Variants in PLCH1 observed in about 807,000 individuals in gnomAD.
The protein encoded by PLCH1 is 1-phosphatidylinositol 4,5-bisphosphate phosphodiesterase eta-1.
Under a neutral mutation model 126.7 loss-of-function variants are expected in PLCH1, and 60 were observed. The ratio of observed to expected loss-of-function variants is 0.47; its 90% CI spans 0.38 to 0.59. The LOEUF (loss-of-function observed/expected upper bound fraction) is 0.59, where lower values mean the gene tolerates loss of function less well. Among genes scored for constraint, PLCH1 ranks in the 20% least tolerant of loss-of-function variants. The probability of loss-of-function intolerance (pLI) is 0.00; values close to 1 mark genes in which losing one functional copy is unlikely to be tolerated. For synonymous variants in PLCH1, 719 were observed against 734.9 expected, an observed-to-expected ratio of 0.98 and a Z score of 0.35; for missense variants, 1,723 against 2,040.0, an observed-to-expected ratio of 0.84 and a Z score of 2.99.
intron 21 of PLCH1, 138 bp downstream of exon 21, chr3:155,487,890 T>G: frequency 1.6e-6 from 1 of 608,454 alleles, no homozygotes; most frequent in South Asian, 1.9e-5. Context: ...AATAGCAGAC[T>G]GGGCTTGCTG....
At chr3:155,678,262 T>C (rs1389178650) in intron 2 of PLCH1, among the ~76,000 whole-genome samples, 2 of 152,224 alleles carry the variant, frequency 1.3e-5, no homozygotes, top group African/African-American at 4.8e-5. Flanking sequence ...ACATGCAGGA[T>C]TGGATATGGA....
intron 2 of PLCH1, among the ~76,000 whole-genome samples, chr3:155,647,102 C>A (rs954895799): frequency 6.6e-6 from 1 of 152,032 alleles, no homozygotes; most frequent in Non-Finnish European, 1.5e-5. Context: ...TTTTTGATTT[C>A]CAACTCTCTT....
intron 1 of PLCH1, among the ~76,000 whole-genome samples, chr3:155,730,651 A>G (rs545434173): frequency 6.6e-6 from 1 of 152,364 alleles, no homozygotes; most frequent in East Asian, 1.9e-4. Flanking sequence ...CAGCCATTAA[A>G]TAAGTAAACA....
chr3:155,617,834 G>T (rs1589237), intron 2 of PLCH1, among the ~76,000 whole-genome samples: 73,821 of 151,914 alleles, frequency 0.49, 20,323 homozygotes, highest in African/African-American at 0.74. Context: ...CTGTACAGGA[G>T]TCCTAACCTG....
intron 10 of PLCH1, among the ~76,000 whole-genome samples, chr3:155,534,434 C>T (rs1485802358): frequency 1.3e-5 from 2 of 152,128 alleles, no homozygotes; most frequent in South Asian, 2.1e-4. Context: ...AATGCCTGTA[C>T]CCCCATTGGA....
intron 2 of PLCH1, among the ~76,000 whole-genome samples, chr3:155,661,642 T>G (rs1334163685): frequency 6.6e-6 from 1 of 152,130 alleles, no homozygotes; most frequent in Non-Finnish European, 1.5e-5. Context: ...GACCTCTGAA[T>G]AAAGAAGGGG....
At chr3:155,526,324 T>C (rs951909884) in intron 10 of PLCH1, among the ~76,000 whole-genome samples, 4 of 152,072 alleles carry the variant, frequency 2.6e-5, no homozygotes, top group African/African-American at 7.2e-5. Flanking sequence ...AGAAACACTA[T>C]ACCTTCTTGC....
chr3:155,673,951 TA>T (rs1401155779), intron 2 of PLCH1, among the ~76,000 whole-genome samples: 1 of 152,222 alleles, frequency 6.6e-6, no homozygotes, highest in Non-Finnish European at 1.5e-5. Flanking sequence ...TTTGTACAAC[TA>T]TACCATCTTA....
At chr3:155,698,986 CTTTTT>C (rs35308889) in intron 2 of PLCH1, among the ~76,000 whole-genome samples, 1 of 138,278 alleles carries the variant, frequency 7.2e-6, no homozygotes. Context: ...GGCCTATCTT[CTTTTT>C]TTTTTTTTTT....
At chr3:155,513,648 T>C (rs1420213435) in intron 12 of PLCH1, among the ~76,000 whole-genome samples, 1 of 152,140 alleles carries the variant, frequency 6.6e-6, no homozygotes, top group East Asian at 1.9e-4. Flanking sequence ...TCATAGAAAT[T>C]ATTAAGAAAA....
intron 11 of PLCH1, among the ~76,000 whole-genome samples, chr3:155,516,810 A>G (rs1370399837): frequency 6.6e-6 from 1 of 152,022 alleles, no homozygotes; most frequent in African/African-American, 2.4e-5. Context: ...AGTATTAAAG[A>G]GGAATACCCC....
At chr3:155,695,627 G>C (rs989048778) in intron 2 of PLCH1, among the ~76,000 whole-genome samples, 6 of 152,240 alleles carry the variant, frequency 3.9e-5, no homozygotes, top group African/African-American at 1.4e-4. Flanking sequence ...TGCTCTCCTG[G>C]ACCTTGGGTT....
chr3:155,625,651 A>C (rs1737143583), intron 2 of PLCH1, among the ~76,000 whole-genome samples: 1 of 152,252 alleles, frequency 6.6e-6, no homozygotes, highest in Middle Eastern at 3.2e-3. Flanking sequence ...TCATTAGAGA[A>C]ATGCAAATCA....
chr3:155,478,812 A>G (rs764016260), downstream of PLCH1, among the ~76,000 whole-genome samples: 9 of 152,194 alleles, frequency 5.9e-5, no homozygotes, highest in Non-Finnish European at 1.3e-4. Context: ...AAGAACTTTA[A>G]GGAGCAAAGG....
chr3:155,666,663 C>A (rs1386610234), intron 2 of PLCH1, among the ~76,000 whole-genome samples: 1 of 152,066 alleles, frequency 6.6e-6, no homozygotes, highest in South Asian at 2.1e-4. Context: ...CTTTTATGTG[C>A]TCTAAATAAC....
chr3:155,676,227 T>C, intron 2 of PLCH1: 7 of 1,250,448 alleles, frequency 5.6e-6, no homozygotes, highest in African/African-American at 1.5e-5. Context: ...TCAGGCTTTA[T>C]AGTGTGGAGA....
chr3:155,712,653 T>C (rs1255383552), intron 1 of PLCH1, among the ~76,000 whole-genome samples: 4 of 152,100 alleles, frequency 2.6e-5, no homozygotes, highest in Non-Finnish European at 5.9e-5. Context: ...GGCAGGAGAA[T>C]TTCTTGAACC....
intron 12 of PLCH1, among the ~76,000 whole-genome samples, chr3:155,511,834 A>G (rs1226170881): frequency 6.6e-6 from 1 of 151,726 alleles, no homozygotes; most frequent in Non-Finnish European, 1.5e-5. Context: ...CCAGAGGTGG[A>G]GCCTACAGAG....
At chr3:155,633,161 G>A (rs1295740555) in intron 2 of PLCH1, among the ~76,000 whole-genome samples, 1 of 151,920 alleles carries the variant, frequency 6.6e-6, no homozygotes, top group Non-Finnish European at 1.5e-5. Flanking sequence ...GGGGGCTACA[G>A]CTCCCATTGC....
Sources: allele counts gnomAD v4.1 joint callset (sites outside exome capture counted in the v4.1 genomes callset), GRCh38; gene constraint gnomAD v4.1.1; transcripts MANE v1.5; gene names NCBI Gene and HGNC (gene_info 2026-07-23, HGNC 2026-07-21).